LUZP2: variants seen among roughly 807,000 people sequenced by gnomAD.
LUZP2 encodes the protein leucine zipper protein 2.
Under a neutral mutation model 51.6 loss-of-function variants are expected in LUZP2, and 52 were observed. The observed-to-expected ratio is 1.01, with a 90% confidence interval of 0.81 to 1.27. The LOEUF (loss-of-function observed/expected upper bound fraction) is 1.27. Ranked by LOEUF, LUZP2 falls within the 50% of genes most tolerant of loss-of-function variation. The probability of loss-of-function intolerance (pLI) is 0.00; values close to 1 mark genes in which losing one functional copy is unlikely to be tolerated. For synonymous variants in LUZP2, 154 were observed against 137.3 expected (o/e 1.12, Z -0.85); for missense variants, 436 against 395.4 (o/e 1.10, Z -0.87).
intron 9 of LUZP2, among the ~76,000 whole-genome samples, chr11:25,046,157 T>A (rs985674877): frequency 6.6e-6 from 1 of 151,332 alleles, no homozygotes; most frequent in African/African-American, 2.4e-5. Flanking sequence ...ATATCTTGAA[T>A]TGGTCAGGAA....
At chr11:24,613,603 G>A (rs1442081421) in intron 1 of LUZP2, among the ~76,000 whole-genome samples, 1 of 151,674 alleles carries the variant, frequency 6.6e-6, no homozygotes, top group African/African-American at 2.4e-5. Context: ...AAGTATGTGG[G>A]AGGAAGCAAC....
rs527821276 is a variant in LUZP2, at chr11:25,004,426, T to C, written c.765+21133T>C. 2.0e-5 allele frequency among the ~76,000 whole-genome samples: 3 copies of C among 152,278 alleles called. No individual in the cohort carries two copies. In the East Asian group the frequency reaches 5.8e-4, roughly 29 times the overall value. ...CTTTCTCTGATCTCGCTTTTCCTTT[T>C]GGGTGTGTTCCTCTTGGTCCATATT... is the stretch of plus-strand genomic sequence containing the variant. On this transcript the variant is annotated intron_variant, in intron 9 of 11. Transcript: ENST00000336930.
chr11:24,906,200 C>A (rs1475199069), intron 6 of LUZP2, 147 bp downstream of exon 6: 4 of 443,618 alleles, frequency 9.0e-6, no homozygotes, highest in African/African-American at 2.0e-5. Flanking sequence ...TATTTTAAAC[C>A]TTTTGGTATC....
intron 9 of LUZP2, among the ~76,000 whole-genome samples, chr11:25,011,742 T>G (rs1590832540): frequency 6.6e-6 from 1 of 152,226 alleles, no homozygotes; most frequent in East Asian, 1.9e-4. Context: ...ATGAGGCACA[T>G]GTGATATTTT....
In LUZP2 at chr11:25,081,796, T is replaced by C. The variant is rs1214154561; in HGVS notation, c.*3138T>C. 1.3e-5 allele frequency: 2 copies of C among 152,186 alleles called. No homozygotes were observed. The highest frequency in any genetic ancestry group is 4.8e-5 in the African/African-American group (2 of 41,468). 9.4% of individuals were successfully genotyped at this position (152,186 alleles called of 1,614,324 possible). On this transcript the variant is annotated 3_prime_UTR_variant, in exon 12 of 12. Coordinates refer to ENST00000336930, the MANE Select transcript of LUZP2 (RefSeq NM_001009909.4). ...ACCTGTAATGATAAGCATTGAAAGA[T>C]TATTTACATTTTGAAAAACATGGAA...
chr11:24,860,098 C>T (rs1201455062), intron 5 of LUZP2, among the ~76,000 whole-genome samples: 1 of 152,208 alleles, frequency 6.6e-6, no homozygotes, highest in Non-Finnish European at 1.5e-5. Context: ...CTACGCTTTT[C>T]CCCTGCTGGA....
intron 1 of LUZP2, among the ~76,000 whole-genome samples, chr11:24,636,258 T>C (rs1855102804): frequency 6.6e-6 from 1 of 152,112 alleles, no homozygotes; most frequent in Admixed American, 6.6e-5. Flanking sequence ...TATTTATCAG[T>C]TCTCTATCAA....
chr11:24,612,228 C>T (rs1162576712), intron 1 of LUZP2, among the ~76,000 whole-genome samples: 1 of 152,064 alleles, frequency 6.6e-6, no homozygotes, highest in African/African-American at 2.4e-5. Context: ...TAGTTTTACA[C>T]TTGGACAAAT....
chr11:24,526,207 A>G (rs1255983918), intron 1 of LUZP2, among the ~76,000 whole-genome samples: 1 of 151,108 alleles, frequency 6.6e-6, no homozygotes, highest in Non-Finnish European at 1.5e-5. Flanking sequence ...CAGGGCTCCA[A>G]AGTTAATAAA....
At chr11:24,587,478 G>A (rs548453177) in intron 1 of LUZP2, among the ~76,000 whole-genome samples, 146 of 152,156 alleles carry the variant, frequency 9.6e-4, no homozygotes, top group Non-Finnish European at 1.7e-3. Flanking sequence ...TTTCTTCTTA[G>A]CTTTCTGATT....
At chr11:24,823,419 C>T (rs1850421925) in intron 5 of LUZP2, among the ~76,000 whole-genome samples, 1 of 149,514 alleles carries the variant, frequency 6.7e-6, no homozygotes. Context: ...AGATTTGGGC[C>T]ATAGAAGACC....
chr11:24,685,540 C>T (rs190891420), intron 1 of LUZP2, among the ~76,000 whole-genome samples: 4 of 152,116 alleles, frequency 2.6e-5, no homozygotes, highest in African/African-American at 4.8e-5. Flanking sequence ...ACAAGGTGAA[C>T]ATTTACTCCT....
At chr11:24,703,140 C>T (rs79856391) in intron 1 of LUZP2, among the ~76,000 whole-genome samples, 15 of 152,282 alleles carry the variant, frequency 9.9e-5, no homozygotes, top group Non-Finnish European at 2.1e-4. Flanking sequence ...TTCATGTACT[C>T]AGTCCTTAAG....
intron 5 of LUZP2, among the ~76,000 whole-genome samples, chr11:24,857,278 T>C (rs1180941327): frequency 1.1e-5 from 1 of 94,614 alleles, no homozygotes; most frequent in East Asian, 2.5e-4. Context: ...TGGGGATATA[T>C]ATATATATAT....
At chr11:24,525,913 A>G (rs1316638497) in intron 1 of LUZP2, among the ~76,000 whole-genome samples, 1 of 151,342 alleles carries the variant, frequency 6.6e-6, no homozygotes, top group Non-Finnish European at 1.5e-5. Flanking sequence ...CTTTGAAACT[A>G]TGAAAGACAG....
At chr11:24,511,926 A>T (rs1850323381) in intron 1 of LUZP2, among the ~76,000 whole-genome samples, 1 of 151,844 alleles carries the variant, frequency 6.6e-6, no homozygotes, top group African/African-American at 2.4e-5. Flanking sequence ...GATAATATGC[A>T]CTAGTATCCA....
chr11:25,020,089 T>C (rs530426623), intron 9 of LUZP2, among the ~76,000 whole-genome samples: 2 of 152,080 alleles, frequency 1.3e-5, no homozygotes, highest in African/African-American at 2.4e-5. Flanking sequence ...TCTTGAAAAT[T>C]TAACATATTT....
intron 7 of LUZP2, among the ~76,000 whole-genome samples, chr11:24,950,390 G>T (rs1855041922): frequency 6.6e-6 from 1 of 151,596 alleles, no homozygotes; most frequent in African/African-American, 2.4e-5. Context: ...TAATTATCCA[G>T]TTGTGAATGC....
Position 24,652,680 on chromosome 11 carries a change from G to T in LUZP2, c.63-76489G>T, listed in dbSNP as rs549429601. ...TAAGAGATTTATAATAATCTCATAA[G>T]AAAGAGTTGAAGTGATTAATTTTTC... On this transcript the variant is annotated intron_variant, in intron 1 of 11. Coordinates refer to ENST00000336930, the MANE Select transcript of LUZP2 (RefSeq NM_001009909.4). 2.0e-5 allele frequency among the ~76,000 whole-genome samples: 3 copies of T among 152,178 alleles called. No individual in the cohort carries two copies. In the South Asian group the frequency reaches 6.2e-4, roughly 32 times the overall value.
Sources: allele counts gnomAD v4.1 joint callset (sites outside exome capture counted in the v4.1 genomes callset), GRCh38; gene constraint gnomAD v4.1.1; transcripts MANE v1.5; gene names NCBI Gene and HGNC (gene_info 2026-07-23, HGNC 2026-07-21).